DLGAP2: variants seen among roughly 807,000 people sequenced by gnomAD.
DLGAP2 encodes DLG associated protein 2.
In DLGAP2, 26 loss-of-function variants were observed where a neutral mutation model predicts 100.3. That is an observed-to-expected ratio of 0.26 (90% CI 0.19 to 0.36). DLGAP2 has a LOEUF of 0.36. Among genes scored for constraint, DLGAP2 ranks in the 10% least tolerant of loss-of-function variants. DLGAP2 has a pLI of 1.00. For synonymous variants in DLGAP2, 886 were observed against 630.1 expected (o/e 1.41, Z -6.08); for missense variants, 1,858 against 1,453.2 (o/e 1.28, Z -4.53).
intron 3 of DLGAP2, among the ~76,000 whole-genome samples, chr8:1,426,910 A>G (rs1797252756): frequency 6.6e-6 from 1 of 152,206 alleles, no homozygotes; most frequent in Admixed American, 6.5e-5. Flanking sequence ...AAAAATAACA[A>G]CAGAAGATAC....
chr8:1,487,069 G>A (rs1371196178), intron 3 of DLGAP2, among the ~76,000 whole-genome samples: 1 of 152,222 alleles, frequency 6.6e-6, no homozygotes, highest in Non-Finnish European at 1.5e-5. Flanking sequence ...AGAATCCGAG[G>A]CTTTAAAAAT....
intron 6 of DLGAP2, among the ~76,000 whole-genome samples, chr8:1,595,547 G>T (rs1031464394): frequency 1.3e-5 from 2 of 150,918 alleles, no homozygotes; most frequent in African/African-American, 2.4e-5. Flanking sequence ...GGCGCCTGTA[G>T]TCCCAGCTAC....
At chr8:1,567,355 C>A (rs371167405) in intron 6 of DLGAP2, among the ~76,000 whole-genome samples, 1 of 152,220 alleles carries the variant, frequency 6.6e-6, no homozygotes, top group Non-Finnish European at 1.5e-5. Flanking sequence ...GTCCAGGGCT[C>A]CAAGGCCAGC....
chr8:792,497 C>T (rs1263747858), intron 1 of DLGAP2, among the ~76,000 whole-genome samples: 2 of 152,178 alleles, frequency 1.3e-5, no homozygotes, highest in Non-Finnish European at 2.9e-5. Context: ...TTCATCATTG[C>T]ATGAATGTTT....
intron 3 of DLGAP2, among the ~76,000 whole-genome samples, chr8:1,361,073 C>T (rs1293759881): frequency 3.9e-5 from 6 of 152,252 alleles, no homozygotes; most frequent in East Asian, 1.9e-4. Flanking sequence ...GGGCAGTGGC[C>T]GGGACCAGCC....
At chr8:1,318,231 G>A (rs569429910) in intron 3 of DLGAP2, among the ~76,000 whole-genome samples, 2 of 152,136 alleles carry the variant, frequency 1.3e-5, no homozygotes, top group Admixed American at 6.5e-5. Flanking sequence ...ACTCTTGAAG[G>A]GTCCTGTTTC....
In DLGAP2 at chr8:1,463,135, G is replaced by A. The variant is rs546346639; in HGVS notation, c.107-38231G>A. Reference sequence around the variant, plus strand: ...GTGGTGGTGTGTGCCCGTAATCCCCGCTACTCGGGAGGCTGAGGCAGGAGA... The same window carrying A: ...GTGGTGGTGTGTGCCCGTAATCCCCACTACTCGGGAGGCTGAGGCAGGAGA... On this transcript the variant is annotated intron_variant, in intron 3 of 14. Transcript: ENST00000637795. 9.2e-5 allele frequency among the ~76,000 whole-genome samples: 14 copies of A among 152,232 alleles called. No individual in the cohort carries two copies. In the South Asian group the frequency reaches 1.2e-3, roughly 14 times the overall value.
intron 2 of DLGAP2, among the ~76,000 whole-genome samples, chr8:982,775 G>T (rs749674975): frequency 2.0e-5 from 3 of 151,856 alleles, no homozygotes; most frequent in Non-Finnish European, 4.4e-5. Context: ...GCTACCTTTC[G>T]TATGGAGCTT....
intron 12 of DLGAP2, among the ~76,000 whole-genome samples, chr8:1,687,553 G>T (rs531101848): frequency 6.6e-6 from 1 of 152,166 alleles, no homozygotes; most frequent in African/African-American, 2.4e-5. Context: ...CCTACCATTA[G>T]CAGGCATGTC....
intron 14 of DLGAP2, among the ~76,000 whole-genome samples, chr8:1,698,968 G>A (rs1055902152): frequency 6.6e-6 from 1 of 152,228 alleles, no homozygotes; most frequent in Non-Finnish European, 1.5e-5. Flanking sequence ...GTCCATGTAA[G>A]CCATGCATGG....
chr8:1,219,479 G>A (rs1798275512), intron 2 of DLGAP2, among the ~76,000 whole-genome samples: 2 of 152,204 alleles, frequency 1.3e-5, no homozygotes, highest in Non-Finnish European at 2.9e-5. Context: ...CCTGACCGTG[G>A]TGGATTAGCA....
chr8:977,201 C>A (rs1271690366), intron 2 of DLGAP2, among the ~76,000 whole-genome samples: 1 of 152,200 alleles, frequency 6.6e-6, no homozygotes, highest in African/African-American at 2.4e-5. Context: ...GTAGACCAGC[C>A]CTACAGTGGG....
intron 3 of DLGAP2, among the ~76,000 whole-genome samples, chr8:1,377,253 A>G (rs796362017): frequency 3.3e-5 from 5 of 152,196 alleles, no homozygotes; most frequent in Admixed American, 6.5e-5. Flanking sequence ...TGCTTAATGC[A>G]CAGGTCTTCG....
chr8:1,086,891 A>G (rs983490755), intron 2 of DLGAP2, among the ~76,000 whole-genome samples: 1 of 152,232 alleles, frequency 6.6e-6, no homozygotes, highest in Non-Finnish European at 1.5e-5. Flanking sequence ...GACTTGAACA[A>G]CAATTTAGAC....
At chr8:1,491,363 T>C (rs1584951124) in intron 3 of DLGAP2, among the ~76,000 whole-genome samples, 1 of 151,720 alleles carries the variant, frequency 6.6e-6, no homozygotes, top group African/African-American at 2.4e-5. Context: ...CCGCTCCCCC[T>C]GACCCCGGAG....
At chr8:1,291,611 C>G (rs1213613951) in intron 3 of DLGAP2, among the ~76,000 whole-genome samples, 1 of 152,144 alleles carries the variant, frequency 6.6e-6, no homozygotes, top group Non-Finnish European at 1.5e-5. Flanking sequence ...TAGCATATCT[C>G]CTATCTTTAA....
chr8:851,872 C>A (rs540744554), intron 1 of DLGAP2, among the ~76,000 whole-genome samples: 1 of 152,200 alleles, frequency 6.6e-6, no homozygotes, highest in Non-Finnish European at 1.5e-5. Flanking sequence ...GCCCCCGCTG[C>A]GTTTCCCTCT....
chr8:1,102,890 G>T (rs979136913), intron 2 of DLGAP2, among the ~76,000 whole-genome samples: 1 of 151,860 alleles, frequency 6.6e-6, no homozygotes, highest in Non-Finnish European at 1.5e-5. Flanking sequence ...GGTTTTCTGG[G>T]GTCTTCATGA....
intron 4 of DLGAP2, among the ~76,000 whole-genome samples, chr8:1,524,401 A>G (rs922694434): frequency 2.0e-5 from 3 of 152,174 alleles, no homozygotes; most frequent in African/African-American, 7.2e-5. Context: ...CGTTGTTTGC[A>G]GAACTGAAAT....
Sources: gnomAD v4.1 joint callset for allele counts (sites outside exome capture counted in the v4.1 genomes callset) on GRCh38, gnomAD v4.1.1 for gene constraint, MANE v1.5 for transcripts, NCBI Gene and HGNC (gene_info 2026-07-23, HGNC 2026-07-21) for gene names.